ROBO1: variants seen among roughly 807,000 people sequenced by gnomAD.
The protein encoded by ROBO1 is roundabout guidance receptor 1.
A neutral mutation model predicts 195.9 loss-of-function variants in ROBO1; 149 were observed. The ratio of observed to expected loss-of-function variants is 0.76; its 90% confidence interval spans 0.67 to 0.87. The LOEUF (loss-of-function observed/expected upper bound fraction) is 0.87, where lower values mean the gene tolerates loss of function less well. Among genes scored for constraint, ROBO1 ranks in the 40% least tolerant of loss-of-function variants. The pLI, the probability that ROBO1 is intolerant of heterozygous loss-of-function variation, is 0.00. For missense variants in ROBO1, 1,933 were observed against 2,068.3 expected, an observed-to-expected ratio of 0.93 and a Z score of 1.27; for synonymous variants, 816 against 733.2, an observed-to-expected ratio of 1.11 and a Z score of -1.82.
intron 4 of ROBO1, among the ~76,000 whole-genome samples, chr3:78,843,460 A>G (rs944535906): frequency 6.6e-6 from 1 of 152,044 alleles, no homozygotes; most frequent in Non-Finnish European, 1.5e-5. Flanking sequence ...GTTTAAATAT[A>G]CTTCAATTCT....
chr3:79,500,253 C>T (rs1030916877), intron 2 of ROBO1, among the ~76,000 whole-genome samples: 4 of 149,752 alleles, frequency 2.7e-5, no homozygotes, highest in African/African-American at 9.9e-5. Flanking sequence ...TCTCAGTCTC[C>T]GGAATAGCTG....
intron 2 of ROBO1, among the ~76,000 whole-genome samples, chr3:79,541,728 C>A (rs1459945432): frequency 1.3e-5 from 2 of 150,728 alleles, no homozygotes; most frequent in Admixed American, 1.3e-4. Flanking sequence ...AAGATATAGG[C>A]CATCAACTTA....
At chr3:78,877,454 A>G (rs1445885287) in intron 4 of ROBO1, among the ~76,000 whole-genome samples, 6 of 152,058 alleles carry the variant, frequency 3.9e-5, no homozygotes, top group Admixed American at 2.6e-4. Flanking sequence ...AATAAATCTA[A>G]TTGAATGAAA....
At chr3:78,729,728 A>G (rs977035346) in intron 5 of ROBO1, among the ~76,000 whole-genome samples, 1 of 152,188 alleles carries the variant, frequency 6.6e-6, no homozygotes, top group Non-Finnish European at 1.5e-5. Flanking sequence ...AGGCAATATA[A>G]AGAGTGGTTT....
chr3:78,730,835 T>G (rs2082270161), intron 5 of ROBO1, among the ~76,000 whole-genome samples: 1 of 152,288 alleles, frequency 6.6e-6, no homozygotes, highest in Admixed American at 6.5e-5. Flanking sequence ...TTAAAATATT[T>G]CTACATACAT....
chr3:79,009,010 G>A (rs2077706304), intron 3 of ROBO1, among the ~76,000 whole-genome samples: 1 of 150,634 alleles, frequency 6.6e-6, no homozygotes, highest in East Asian at 1.9e-4. Flanking sequence ...GCACGATCTC[G>A]GCTCACTGCA....
intron 1 of ROBO1, among the ~76,000 whole-genome samples, chr3:79,713,490 A>AC (rs1431240006): frequency 1.3e-5 from 2 of 152,126 alleles, no homozygotes; most frequent in Admixed American, 6.6e-5. Flanking sequence ...GGTTACTTAG[A>AC]AGAGTTTAAG....
intron 26 of ROBO1, among the ~76,000 whole-genome samples, chr3:78,626,724 TA>T (rs1704806505): frequency 6.7e-6 from 1 of 149,630 alleles, no homozygotes; most frequent in Admixed American, 6.7e-5. Context: ...TACATAGGTT[TA>T]AAAAAGTCTA....
At chr3:79,182,542 GGTGTGTGT>G (rs71127377) in intron 2 of ROBO1, among the ~76,000 whole-genome samples, 6 of 148,446 alleles carry the variant, frequency 4.0e-5, no homozygotes, top group East Asian at 2.0e-4. Flanking sequence ...CTGGGGCACA[GGTGTGTGT>G]GTGTGTGTGT....
At chr3:79,458,664 A>C (rs1334050861) in intron 2 of ROBO1, among the ~76,000 whole-genome samples, 1 of 152,170 alleles carries the variant, frequency 6.6e-6, no homozygotes, top group Non-Finnish European at 1.5e-5. Flanking sequence ...AAGCATGAAA[A>C]CAAAGATAGA....
rs144141036 is a variant in ROBO1 at position 79,123,759 on chromosome 3, T to C, written c.172+1697A>G. ...CCATTATAGACTATAAAGATAATTTTATAAGTTTATTTCCTCATGTTAATT... is the reference window on the plus strand; with the variant it reads ...CCATTATAGACTATAAAGATAATTTCATAAGTTTATTTCCTCATGTTAATT... On this transcript the variant is annotated intron_variant, in intron 3 of 30. Transcript: ENST00000464233. Among the ~76,000 whole-genome samples the C allele has an allele frequency of 1.3e-3, 191 of 152,164 alleles. 1 individual carries two copies. The highest frequency in any genetic ancestry group is 4.4e-3 in the African/African-American group (185 of 41,584).
chr3:78,891,465 G>A (rs1029260336), intron 4 of ROBO1, among the ~76,000 whole-genome samples: 1 of 152,120 alleles, frequency 6.6e-6, no homozygotes, highest in Non-Finnish European at 1.5e-5. Context: ...CACCATGGAT[G>A]GCAAAAATAG....
At chr3:79,662,677 T>C (rs927577268) in intron 1 of ROBO1, among the ~76,000 whole-genome samples, 2 of 152,084 alleles carry the variant, frequency 1.3e-5, no homozygotes, top group African/African-American at 4.8e-5. Context: ...TTGGCTGTCT[T>C]TTTCCCTCTG....
At chr3:79,213,349 G>A (rs1253900566) in intron 2 of ROBO1, among the ~76,000 whole-genome samples, 1 of 152,034 alleles carries the variant, frequency 6.6e-6, no homozygotes, top group Non-Finnish European at 1.5e-5. Flanking sequence ...TTGTATCTAA[G>A]TTGTAAAATA....
At chr3:79,556,789 A>G (rs1216108926) in intron 2 of ROBO1, among the ~76,000 whole-genome samples, 1 of 151,992 alleles carries the variant, frequency 6.6e-6, no homozygotes, top group African/African-American at 2.4e-5. Context: ...TTTAATGAAT[A>G]CATTTCACAA....
chr3:79,583,751 T>G (rs1207903561), intron 2 of ROBO1, among the ~76,000 whole-genome samples: 4 of 152,136 alleles, frequency 2.6e-5, no homozygotes, highest in African/African-American at 7.2e-5. Context: ...AGAGTACTCT[T>G]GTTCTAAGCA....
rs766978923 is a variant in ROBO1, at chr3:78,631,239, G to A, written c.3548C>T (p.Ala1183Val). ...KVPKQGGMNWADLLPPPPAHP... is the reference protein window; with the variant it reads ...KVPKQGGMNWVDLLPPPPAHP... ...TGCTGGGGGAGGAGGAAGCAGGTCT[G>A]CCCAGTTCATGCCACCCTGTTTTGG... The change falls in exon 25 of 31, where the codon GCA (alanine) becomes GTA (valine). Residue 1183 changes from alanine to valine, a missense_variant. Ala to Val is a moderately conservative substitution (Grantham distance 64). Transcript: ENST00000464233. The A allele has an allele frequency of 6.2e-7, 1 of 1,613,440 alleles. No individual in the cohort carries two copies. Among genetic ancestry groups the A allele is most frequent in the Non-Finnish European group, 8.5e-7 (1 of 1,179,672 alleles).
intron 2 of ROBO1, among the ~76,000 whole-genome samples, chr3:79,578,589 A>C (rs1214461535): frequency 6.6e-6 from 1 of 152,196 alleles, no homozygotes; most frequent in African/African-American, 2.4e-5. Context: ...CATTACTTAG[A>C]CCCAGCAAAC....
At chr3:79,341,639 T>C (rs1001132746) in intron 2 of ROBO1, among the ~76,000 whole-genome samples, 1 of 152,132 alleles carries the variant, frequency 6.6e-6, no homozygotes, top group African/African-American at 2.4e-5. Context: ...CCACTGTGCC[T>C]GGCTTCTACT....
Sources: gnomAD v4.1 joint callset for allele counts (sites outside exome capture counted in the v4.1 genomes callset) on GRCh38, gnomAD v4.1.1 for gene constraint, MANE v1.5 for transcripts, NCBI Gene and HGNC (gene_info 2026-07-23, HGNC 2026-07-21) for gene names.